The following GNS variants were observed in gnomAD, a reference collection of about 807,000 sequenced individuals.
The protein encoded by GNS is N-acetylglucosamine-6-sulfatase.
In GNS, 40 loss-of-function variants were observed where a neutral mutation model predicts 69.7. The ratio of observed to expected loss-of-function variants is 0.57; its 90% CI spans 0.45 to 0.75. The LOEUF (loss-of-function observed/expected upper bound fraction) is 0.75. GNS is among the 30% of genes least tolerant of loss of function. The pLI, the probability that GNS is intolerant of heterozygous loss-of-function variation, is 0.00. For synonymous variants in GNS, 243 were observed against 251.6 expected (o/e 0.97, Z 0.32); for missense variants, 565 against 685.5 (o/e 0.82, Z 1.96).
Position 64,739,431 on chromosome 12 carries a change from TC to T in GNS, c.943del (p.Glu315SerfsTer24). On this transcript the variant is annotated frameshift_variant, in exon 8 of 14. Transcript: ENST00000258145. LOFTEE classifies it high-confidence loss of function. The part of the protein sequence containing the change: ...KLVKRLEFTG[E>X]LNNTYIFYTS... Reference sequence around the variant, plus strand: ...ATAGAAGATGTAAGTGTTGTTGAGCTCCCCAGTGAACTCCAGCCTCTTGACC... The same window carrying T: ...ATAGAAGATGTAAGTGTTGTTGAGCTCCCAGTGAACTCCAGCCTCTTGACC... 6.2e-7 allele frequency: 1 copy of T among 1,609,004 alleles called. No individual in the cohort carries two copies. Among genetic ancestry groups the T allele is most frequent in the Non-Finnish European group, 8.5e-7 (1 of 1,175,604 alleles).
intron 10 of GNS, among the ~76,000 whole-genome samples, chr12:64,725,995 C>CAAAAA (rs34734900): frequency 1.6e-4 from 8 of 49,218 alleles, no homozygotes; most frequent in Non-Finnish European, 1.8e-4. Flanking sequence ...GACTCTGTCT[C>CAAAAA]AAAAAAAAAA....
intron 1 of GNS, among the ~76,000 whole-genome samples, chr12:64,756,408 A>G (rs1167141281): frequency 6.6e-6 from 1 of 152,044 alleles, no homozygotes; most frequent in Non-Finnish European, 1.5e-5. Flanking sequence ...TCACCTGCAG[A>G]CTCTCTGACC....
chr12:64,737,231 A>G, intron 8 of GNS, 124 bp from the exon 9 acceptor site: 1 of 700,916 alleles, frequency 1.4e-6, no homozygotes, highest in Non-Finnish European at 2.6e-6. Context: ...TGGTGTTTTA[A>G]TAGAAAGCTG....
chr12:64,757,906 C>G (rs1368607844), intron 1 of GNS, among the ~76,000 whole-genome samples: 2 of 152,190 alleles, frequency 1.3e-5, no homozygotes, highest in Non-Finnish European at 2.9e-5. Flanking sequence ...ATTTCATAGT[C>G]TCAGCATTCA....
At chr12:64,740,556 T>C (rs1158578304) in intron 7 of GNS, 50 bp downstream of exon 7, 3 of 941,706 alleles carry the variant, frequency 3.2e-6, no homozygotes, top group African/African-American at 3.2e-5. Flanking sequence ...ATGAGCTGAT[T>C]TGCAGGGTCT....
chr12:64,725,995 CAAAAAAAAAAA>C (rs34734900), intron 10 of GNS, among the ~76,000 whole-genome samples: 1 of 49,214 alleles, frequency 2.0e-5, no homozygotes, highest in Non-Finnish European at 3.5e-5. Context: ...GACTCTGTCT[CAAAAAAAAAAA>C]AAAAAAAAAA....
chr12:64,725,804 G>A (rs1018558848), intron 10 of GNS, among the ~76,000 whole-genome samples: 5 of 151,766 alleles, frequency 3.3e-5, no homozygotes, highest in African/African-American at 1.2e-4. Context: ...AGACCATCCT[G>A]GCTAACACGG....
intron 10 of GNS, among the ~76,000 whole-genome samples, chr12:64,727,993 G>A (rs913426490): frequency 2.0e-5 from 3 of 152,080 alleles, no homozygotes; most frequent in Non-Finnish European, 2.9e-5. Flanking sequence ...GCGCAATTTC[G>A]GCTCACTGCA....
chr12:64,753,391 T>A (rs1249110772), intron 1 of GNS, among the ~76,000 whole-genome samples: 5 of 152,170 alleles, frequency 3.3e-5, no homozygotes, highest in Non-Finnish European at 7.3e-5. Context: ...AAATCTAAGA[T>A]CCTTACAAGT....
At chr12:64,758,654 C>CA (rs1870355276) in intron 1 of GNS, among the ~76,000 whole-genome samples, 1 of 152,064 alleles carries the variant, frequency 6.6e-6, no homozygotes, top group Non-Finnish European at 1.5e-5. Context: ...CAGATACAGA[C>CA]ATTGTATACA....
rs765701552 is a variant in GNS at position 64,747,916 on chromosome 12, A to G, written c.255T>C (p.Tyr85=). 2.7e-5 allele frequency: 43 copies of G among 1,577,316 alleles called. No homozygotes were observed. The South Asian group carries it at 4.4e-4, about 16-fold the overall frequency. ...GEMGMTFSSA[Y]VPSALCCPSR... ...TGGGGCAGCAGAGAGCACTTGGCAC[A>G]TACTACAAAGGAAAGGAAGCAAAAA... Residue 85 remains tyrosine (Y), a splice_region_variant and synonymous_variant, in exon 3 of 14, where the codon TAT becomes TAC. Transcript: ENST00000258145.
At chr12:64,735,202 T>A (rs948885727) in intron 9 of GNS, among the ~76,000 whole-genome samples, 1 of 152,244 alleles carries the variant, frequency 6.6e-6, no homozygotes, top group Non-Finnish European at 1.5e-5. Context: ...GCAAGGAAGA[T>A]AATAAATACT....
At chr12:64,730,372 A>G (rs1035557028) in intron 9 of GNS, among the ~76,000 whole-genome samples, 1 of 151,720 alleles carries the variant, frequency 6.6e-6, no homozygotes, top group Non-Finnish European at 1.5e-5. Flanking sequence ...AAACAAAACA[A>G]AAACACCCCA....
At chr12:64,745,524 G>A in intron 4 of GNS, 135 bp downstream of exon 4, 1 of 740,072 alleles carries the variant, frequency 1.4e-6, no homozygotes. Context: ...CTGGCCACAA[G>A]TCAATAAATT....
In GNS at chr12:64,714,269, TCATTCCTAATGTTTACATGGTTCTCTA is replaced by T. The variant is rs1427104656; in HGVS notation, c.*2445_*2471del. On this transcript the variant is annotated 3_prime_UTR_variant, in exon 14 of 14. Transcript: ENST00000258145. ...CTCTATTCATTCCTAAGGCCTCTGT[TCATTCCTAATGTTTACATGGTTCTCTA>T]CTCTGAAGGGCACCAACATGGACCT... 2.6e-5 allele frequency: 4 copies of T among 152,350 alleles called. No individual in the cohort carries two copies. Among genetic ancestry groups the T allele is most frequent in the African/African-American group, 4.8e-5 (2 of 41,584 alleles). The allele number at this position is 152,350 out of a possible 1,614,324, so 9.4% of individuals were successfully genotyped here. A position where few individuals can be genotyped will look rare whatever the true frequency, so the allele number is the denominator to read the frequency against.
At chr12:64,730,434 C>CA (rs35692874) in intron 9 of GNS, among the ~76,000 whole-genome samples, 1,199 of 43,044 alleles carry the variant, frequency 0.028, 18 homozygotes, top group African/African-American at 0.044. Flanking sequence ...ATATGAAAGG[C>CA]AAAAAAAAAA....
chr12:64,723,451 A>T (rs1869096348), intron 10 of GNS, among the ~76,000 whole-genome samples: 1 of 152,264 alleles, frequency 6.6e-6, no homozygotes, highest in Non-Finnish European at 1.5e-5. Context: ...AGAATAAATA[A>T]TACTGTCATA....
In GNS at chr12:64,741,407, A is replaced by G. The variant is rs183985051; in HGVS notation, c.793-719T>C. 4.3e-3 allele frequency among the ~76,000 whole-genome samples: 658 copies of G among 151,574 alleles called. 1 individual carries two copies. The highest frequency in any genetic ancestry group is 0.014 in the African/African-American group (574 of 41,368). ...TTCATGCGATTTTCATGCCTCAGCCACCTGAGTAGCTGGGATTACAGGCGT... is the reference window on the plus strand; with the variant it reads ...TTCATGCGATTTTCATGCCTCAGCCGCCTGAGTAGCTGGGATTACAGGCGT... On this transcript the variant is annotated intron_variant, in intron 6 of 13. Coordinates refer to ENST00000258145, the MANE Select transcript of GNS (RefSeq NM_002076.4).
Position 64,716,970 on chromosome 12 carries a change from C to T in GNS, c.1581-151G>A, listed in dbSNP as rs906737699. 26 of 690,640 alleles carry T rather than the reference C, an allele frequency of 3.8e-5. No homozygotes were observed. The Admixed American group carries it at 5.3e-4, about 14-fold the overall frequency. 42.8% of individuals were successfully genotyped at this position (690,640 alleles called of 1,614,324 possible). ...AAGTCTATGGTACAAAACATGAGCC[C>T]TCGACAGTTCCGAACATTTCTATCA... On this transcript the variant is annotated intron_variant, in intron 13 of 13. Coordinates refer to ENST00000258145, the MANE Select transcript of GNS (RefSeq NM_002076.4).
Sources: gnomAD v4.1 joint callset for allele counts (sites outside exome capture counted in the v4.1 genomes callset) on GRCh38, gnomAD v4.1.1 for gene constraint, MANE v1.5 for transcripts, NCBI Gene and HGNC (gene_info 2026-07-23, HGNC 2026-07-21) for gene names.